Variants in CPEB1 observed in about 807,000 individuals in gnomAD.
CPEB1 encodes the protein cytoplasmic polyadenylation element-binding protein 1.
Under a neutral mutation model 65.8 loss-of-function variants are expected in CPEB1, and 7 were observed. The ratio of observed to expected loss-of-function variants is 0.11; its 90% CI spans 0.06 to 0.20. CPEB1 has a LOEUF of 0.20. CPEB1 is among the 10% of genes least tolerant of loss of function. CPEB1 has a pLI of 1.00. For synonymous variants in CPEB1, 262 were observed against 260.0 expected (o/e 1.01, Z -0.08); for missense variants, 551 against 712.2 (o/e 0.77, Z 2.58).
Position 82,552,649 on chromosome 15 carries a change from A to T in CPEB1, c.1145-33T>A, listed in dbSNP as rs367787902. ...CAATGAGAGGAAAAATCGCATTAATATCCCTTAGGTGGCCACTCCTCAGCC... is the reference window on the plus strand; with the variant it reads ...CAATGAGAGGAAAAATCGCATTAATTTCCCTTAGGTGGCCACTCCTCAGCC... On this transcript the variant is annotated intron_variant, in intron 8 of 12. Coordinates refer to ENST00000684509, the MANE Select transcript of CPEB1 (RefSeq NM_001365242.1). 2.5e-6 allele frequency: 4 copies of T among 1,612,266 alleles called. No individual in the cohort carries two copies. The East Asian group carries it at 8.9e-5, about 36-fold the overall frequency.
chr15:82,608,490 G>C (rs2043836068), intron 3 of CPEB1, among the ~76,000 whole-genome samples: 1 of 152,130 alleles, frequency 6.6e-6, no homozygotes. Context: ...GCAGGTTGCT[G>C]GTTTTCAGGG....
Position 82,547,208 on chromosome 15 carries a change from G to C in CPEB1, c.1510C>G (p.Arg504Gly). The change falls in exon 11 of 13, where the codon CGG becomes GGG. Residue 504 changes from arginine (R) to glycine (G), a missense_variant. Transcript: ENST00000684509. ...GSGRVTFNNQ[R>G]SYLKAVSAAF... ...GCGCTGACTGCTTTCAGGTAACTCC[G>C]TTGGTTATTGAAAGTCACACGACCA... 1 of 1,611,246 alleles carries C rather than the reference G, an allele frequency of 6.2e-7. No homozygotes were observed. The highest frequency in any genetic ancestry group is 8.5e-7 in the Non-Finnish European group (1 of 1,178,688).
rs79566481 is a variant in CPEB1, at chr15:82,550,630, C to T, written c.1282-972G>A. ...TGGAAGATGAAAAAGCCAATTTTGC[C>T]CACAAAAGAGTTTGGGATTACAGGA... On this transcript the variant is annotated intron_variant, in intron 9 of 12. Coordinates refer to ENST00000684509, the MANE Select transcript of CPEB1 (RefSeq NM_001365242.1). 3.5e-4 allele frequency among the ~76,000 whole-genome samples: 54 copies of T among 152,232 alleles called. 1 individual carries two copies. The East Asian group carries it at 9.3e-3, about 26-fold the overall frequency.
chr15:82,551,022 G>T (rs887411736), intron 9 of CPEB1, among the ~76,000 whole-genome samples: 1 of 152,046 alleles, frequency 6.6e-6, no homozygotes, highest in Non-Finnish European at 1.5e-5. Flanking sequence ...TGTGAAAGCA[G>T]GAGGGGAGGA....
intron 4 of CPEB1, among the ~76,000 whole-genome samples, chr15:82,566,487 G>A (rs1190677385): frequency 7.2e-5 from 11 of 152,140 alleles, no homozygotes; most frequent in Admixed American, 7.2e-4. Context: ...CACTCTGCCT[G>A]TGACCCCAAA....
chr15:82,613,440 TGCA>T (rs1408055611), intron 3 of CPEB1, among the ~76,000 whole-genome samples: 5 of 152,120 alleles, frequency 3.3e-5, no homozygotes, highest in African/African-American at 7.2e-5. Context: ...CAGGCTGGAG[TGCA>T]GCGGCACGAT....
At chr15:82,586,756 C>T (rs2041837324) in intron 3 of CPEB1, among the ~76,000 whole-genome samples, 3 of 152,194 alleles carry the variant, frequency 2.0e-5, no homozygotes, top group African/African-American at 7.2e-5. Flanking sequence ...AGTGCACATA[C>T]ACTCCCCTCT....
upstream of CPEB1, chr15:82,647,663 C>T: frequency 2.6e-6 from 1 of 380,632 alleles, no homozygotes; most frequent in Non-Finnish European, 4.4e-6. Context: ...CACGAGGAGG[C>T]TCCCTGCCCC....
chr15:82,638,035 T>C (rs756262633), intron 1 of CPEB1: 3 of 445,356 alleles, frequency 6.7e-6, no homozygotes, highest in Admixed American at 2.4e-5. Flanking sequence ...TAATATAAGA[T>C]AGCGGGATTT....
At chr15:82,584,058 A>G (rs783537) in intron 3 of CPEB1, among the ~76,000 whole-genome samples, 108,127 of 151,670 alleles carry the variant, frequency 0.71, 39,838 homozygotes, top group African/African-American at 0.91. Context: ...AGGAGACAGA[A>G]ACCATCCTGG....
At chr15:82,544,904 C>T (rs1427086056) in intron 12 of CPEB1, among the ~76,000 whole-genome samples, 5 of 152,320 alleles carry the variant, frequency 3.3e-5, no homozygotes, top group African/African-American at 1.2e-4. Context: ...ATCCTTGTTA[C>T]AGGTCCCCTT....
chr15:82,570,609 G>A (rs866944835), intron 4 of CPEB1, among the ~76,000 whole-genome samples: 7 of 152,000 alleles, frequency 4.6e-5, no homozygotes, highest in Non-Finnish European at 8.8e-5. Flanking sequence ...GCAATTTAAG[G>A]GGGGGCTGCC....
intron 3 of CPEB1, among the ~76,000 whole-genome samples, chr15:82,612,509 CA>C (rs34537151): frequency 0.41 from 52,970 of 130,040 alleles, 10,109 homozygotes; most frequent in South Asian, 0.5. Context: ...AAAAAAAAAA[CA>C]AAAAAAAAAA....
chr15:82,641,891 C>T (rs990981427), intron 1 of CPEB1, among the ~76,000 whole-genome samples: 8 of 152,096 alleles, frequency 5.3e-5, no homozygotes, highest in Non-Finnish European at 5.9e-5. Flanking sequence ...ATTAGGGTGG[C>T]AAAATAATCC....
chr15:82,645,186 C>T (rs2047404319), intron 1 of CPEB1, among the ~76,000 whole-genome samples: 1 of 152,222 alleles, frequency 6.6e-6, no homozygotes, highest in South Asian at 2.1e-4. Context: ...CGAAGTCTCG[C>T]TCTGTCGTTC....
intron 3 of CPEB1, among the ~76,000 whole-genome samples, chr15:82,614,080 T>A (rs2044451477): frequency 6.6e-6 from 1 of 152,090 alleles, no homozygotes; most frequent in Non-Finnish European, 1.5e-5. Flanking sequence ...CTCCCTACCC[T>A]GGGACGGCCC....
At chr15:82,563,503 A>ATT (rs373097628) in intron 4 of CPEB1, among the ~76,000 whole-genome samples, 1 of 134,758 alleles carries the variant, frequency 7.4e-6, no homozygotes, top group Admixed American at 7.5e-5. Context: ...TGTCTGACTA[A>ATT]TTTTTTTTTT....
rs769137770 is a variant in CPEB1, at chr15:82,546,507, G to T, written c.1590C>A (p.Pro530=). The T allele has an allele frequency of 2.7e-5, 44 of 1,613,962 alleles. No individual in the cohort carries two copies. The Admixed American group carries it at 5.8e-4, about 21-fold the overall frequency. Residue 530 remains proline, a synonymous_variant, in exon 12 of 13, where the codon CCC becomes CCA. Coordinates refer to ENST00000684509, the MANE Select transcript of CPEB1 (RefSeq NM_001365242.1). ...TKFTKKVQID[P]YLEDSLCHIC... The stretch of plus-strand genomic sequence containing the variant: ...TATGACACAGAGAATCTTCTAGGTA[G>T]GGGTCAATCTGAACCTGCACAAAGG...
intron 3 of CPEB1, among the ~76,000 whole-genome samples, chr15:82,607,385 C>CGAGACCAGCCTGGCCAACATG (rs1189209075): frequency 2.0e-5 from 3 of 152,076 alleles, no homozygotes; most frequent in African/African-American, 7.2e-5. Context: ...GTCAGGAGTT[C>CGAGACCAGCCTGGCCAACATG]GAGACCAGCC....
Sources: gnomAD v4.1 joint callset for allele counts (sites outside exome capture counted in the v4.1 genomes callset) on GRCh38, gnomAD v4.1.1 for gene constraint, MANE v1.5 for transcripts, NCBI Gene and HGNC (gene_info 2026-07-23, HGNC 2026-07-21) for gene names.